TFAP2D: variants seen among roughly 807,000 people sequenced by gnomAD.
The protein encoded by TFAP2D is transcription factor AP-2-delta.
Under a neutral mutation model 43.6 loss-of-function variants are expected in TFAP2D, and 9 were observed. The ratio of observed to expected loss-of-function variants is 0.21; its 90% CI spans 0.12 to 0.36. The LOEUF is 0.36. Among genes scored for constraint, TFAP2D ranks in the 10% least tolerant of loss-of-function variants. TFAP2D has a pLI of 1.00. For missense variants in TFAP2D, 513 were observed against 561.4 expected, an observed-to-expected ratio of 0.91 and a Z score of 0.87; for synonymous variants, 256 against 224.9, an observed-to-expected ratio of 1.14 and a Z score of -1.24.
At position 50,713,716 on chromosome 6, in the gene TFAP2D, C is replaced by A; in HGVS notation, c.-340C>A. On this transcript the variant is annotated 5_prime_UTR_variant, in exon 1 of 8. Transcript: ENST00000008391. ...TGTCTCCTGGGATAAATCTCTTCTG[C>A]CTATTGTCCTCCCAGTTCTCAGTGC... 2.7e-6 allele frequency: 1 copy of A among 364,410 alleles called. No homozygotes were observed. The highest frequency in any genetic ancestry group is 4.9e-6 in the Non-Finnish European group (1 of 203,408). 22.6% of individuals were successfully genotyped at this position (364,410 alleles called of 1,614,324 possible). A position where few individuals can be genotyped will look rare whatever the true frequency, so the allele number is the denominator to read the frequency against.
chr6:50,725,791 T>G (rs1036994781), intron 3 of TFAP2D, among the ~76,000 whole-genome samples: 1 of 152,138 alleles, frequency 6.6e-6, no homozygotes, highest in Non-Finnish European at 1.5e-5. Context: ...TTTCCACCTC[T>G]CTAAAGAATA....
At chr6:50,756,517 T>A (rs937286985) in intron 7 of TFAP2D, among the ~76,000 whole-genome samples, 8 of 152,004 alleles carry the variant, frequency 5.3e-5, no homozygotes, top group African/African-American at 1.9e-4. Context: ...ATTTAATATG[T>A]CCAGACAAAG....
At chr6:50,768,791 A>G (rs2113896158) in intron 7 of TFAP2D, among the ~76,000 whole-genome samples, 1 of 152,286 alleles carries the variant, frequency 6.6e-6, no homozygotes, top group African/African-American at 2.4e-5. Flanking sequence ...CAAAATTTAC[A>G]TAATGTTTTT....
chr6:50,736,942 A>G (rs976175547), intron 5 of TFAP2D, among the ~76,000 whole-genome samples: 2 of 152,058 alleles, frequency 1.3e-5, no homozygotes, highest in Non-Finnish European at 2.9e-5. Flanking sequence ...TCAAAACTTA[A>G]TGGATCAACT....
At chr6:50,761,228 C>CAAA (rs35485585) in intron 7 of TFAP2D, among the ~76,000 whole-genome samples, 9 of 142,852 alleles carry the variant, frequency 6.3e-5, no homozygotes, top group Non-Finnish European at 9.2e-5. Flanking sequence ...TCACACACAC[C>CAAA]AAAAAAAAAA....
intron 7 of TFAP2D, among the ~76,000 whole-genome samples, chr6:50,754,108 C>A (rs1769234029): frequency 6.6e-6 from 1 of 151,838 alleles, no homozygotes; most frequent in Admixed American, 6.6e-5. Context: ...TGCCTCTGTA[C>A]CCATTAAACA....
Position 50,715,336 on chromosome 6 carries a change from C to G in TFAP2D, c.260C>G (p.Pro87Arg), listed in dbSNP as rs199912050. Residue 87 changes from proline (P) to arginine (R), a missense_variant, in exon 2 of 8, where the codon CCC becomes CGC. By Grantham distance (103) the Pro-to-Arg change is moderately radical. Coordinates refer to ENST00000008391, the MANE Select transcript of TFAP2D (RefSeq NM_172238.4). ...EFQHSHPAVT[P>R]DAYSLNSLHH... ...CAGCACAGCCACCCGGCCGTCACCC[C>G]CGACGCCTACTCTCTGAACTCTCTC... 6.2e-7 allele frequency: 1 copy of G among 1,614,170 alleles called. No homozygotes were observed. The highest frequency in any genetic ancestry group is 1.1e-5 in the South Asian group (1 of 91,074).
chr6:50,719,823 A>G (rs1471904222), intron 3 of TFAP2D, among the ~76,000 whole-genome samples: 1 of 152,226 alleles, frequency 6.6e-6, no homozygotes, highest in Non-Finnish European at 1.5e-5. Flanking sequence ...ATCTGAATCC[A>G]GAGTTACCCA....
At chr6:50,744,999 ATG>A in intron 5 of TFAP2D, 106 bp from the exon 6 acceptor site, 1 of 1,382,576 alleles carries the variant, frequency 7.2e-7, no homozygotes, top group Non-Finnish European at 9.8e-7. Flanking sequence ...AGTAGGAAAA[ATG>A]ATTTGTCTGA....
intron 3 of TFAP2D, among the ~76,000 whole-genome samples, chr6:50,720,950 G>T (rs1400881081): frequency 2.0e-5 from 3 of 152,178 alleles, no homozygotes; most frequent in Non-Finnish European, 4.4e-5. Context: ...CCTGACAGAG[G>T]GTGGAATTAC....
intron 5 of TFAP2D, among the ~76,000 whole-genome samples, chr6:50,739,464 T>C (rs1006972232): frequency 6.6e-6 from 1 of 152,166 alleles, no homozygotes; most frequent in Non-Finnish European, 1.5e-5. Flanking sequence ...TTTAATCCAG[T>C]CTATCATTGA....
At chr6:50,758,863 G>T (rs1581776852) in intron 7 of TFAP2D, among the ~76,000 whole-genome samples, 1 of 152,072 alleles carries the variant, frequency 6.6e-6, no homozygotes, top group South Asian at 2.1e-4. Context: ...AGTTAGGGGA[G>T]ATCTTCCTTG....
At chr6:50,766,938 G>C (rs996132335) in intron 7 of TFAP2D, among the ~76,000 whole-genome samples, 6 of 152,058 alleles carry the variant, frequency 3.9e-5, no homozygotes, top group Admixed American at 1.3e-4. Context: ...AAAGTGCTGG[G>C]ATTACAGGCG....
intron 3 of TFAP2D, among the ~76,000 whole-genome samples, chr6:50,724,284 G>GAA (rs370773064): frequency 2.0e-5 from 3 of 151,712 alleles, no homozygotes; most frequent in Non-Finnish European, 4.4e-5. Context: ...TAATGTGTCA[G>GAA]AAAAAAAAGA....
chr6:50,714,217 T>A (rs2071290111), intron 1 of TFAP2D, 123 bp downstream of exon 1: 2 of 1,057,398 alleles, frequency 1.9e-6, no homozygotes, highest in African/African-American at 1.6e-5. Context: ...GACCGTTACG[T>A]TTAATTATAA....
In TFAP2D at chr6:50,713,899, A is replaced by C; in HGVS notation, c.-157A>C. The stretch of plus-strand genomic sequence containing the variant: ...TTAAGTGGGTACGAGGCAAGGAGCT[A>C]TCTGATCCGGGCAAAACCATTACAA... On this transcript the variant is annotated 5_prime_UTR_variant, in exon 1 of 8. Transcript: ENST00000008391. 1 of 1,153,728 alleles carries C rather than the reference A, an allele frequency of 8.7e-7. No homozygotes were observed. Among genetic ancestry groups the C allele is most frequent in the East Asian group, 2.5e-5 (1 of 40,812 alleles). The allele number at this position is 1,153,728 out of a possible 1,614,324, so 71.5% of individuals were successfully genotyped here.
chr6:50,731,263 T>G (rs1315530012), intron 5 of TFAP2D, among the ~76,000 whole-genome samples: 1 of 152,106 alleles, frequency 6.6e-6, no homozygotes, highest in African/African-American at 2.4e-5. Flanking sequence ...TTTTATCCTT[T>G]TGAGGAGCAT....
At chr6:50,766,596 C>T (rs1372004894) in intron 7 of TFAP2D, among the ~76,000 whole-genome samples, 1 of 149,620 alleles carries the variant, frequency 6.7e-6, no homozygotes, top group Non-Finnish European at 1.5e-5. Context: ...AAATTTATTC[C>T]TAAGTATTTT....
intron 5 of TFAP2D, among the ~76,000 whole-genome samples, chr6:50,739,179 G>A (rs1010777476): frequency 1.4e-4 from 21 of 152,052 alleles, no homozygotes; most frequent in African/African-American, 3.9e-4. Context: ...CCATTAACTC[G>A]TCATTTACAT....
Sources: gnomAD v4.1 joint callset for allele counts (sites outside exome capture counted in the v4.1 genomes callset) on GRCh38, gnomAD v4.1.1 for gene constraint, MANE v1.5 for transcripts, NCBI Gene and HGNC (gene_info 2026-07-23, HGNC 2026-07-21) for gene names.